CYP2C18: variants seen among roughly 807,000 people sequenced by gnomAD.
The protein encoded by CYP2C18 is cytochrome P450 family 2 subfamily C member 18.
CYP2C18 carries 38 observed loss-of-function variants against 41.3 expected under a neutral mutation model. The observed-to-expected ratio is 0.92, with a 90% CI of 0.71 to 1.21. CYP2C18 has a LOEUF of 1.21. Ranked by LOEUF, CYP2C18 falls within the 50% of genes most tolerant of loss-of-function variation. The pLI, the probability that CYP2C18 is intolerant of heterozygous loss-of-function variation, is 0.00. For synonymous variants in CYP2C18, 236 were observed against 210.0 expected (o/e 1.12, Z -1.07); for missense variants, 635 against 591.4 (o/e 1.07, Z -0.77).
At chr10:94,720,080 T>G (rs546116358) in intron 5 of CYP2C18, among the ~76,000 whole-genome samples, 2 of 152,218 alleles carry the variant, frequency 1.3e-5, no homozygotes, top group African/African-American at 4.8e-5. Flanking sequence ...TATATGTGTT[T>G]TGAGTAAAAA....
intron 3 of CYP2C18, among the ~76,000 whole-genome samples, chr10:94,690,272 A>T (rs931185959): frequency 2.6e-5 from 4 of 152,156 alleles, no homozygotes; most frequent in Non-Finnish European, 5.9e-5. Context: ...TCTTGTCATA[A>T]TGAGTCTGGT....
At chr10:94,715,131 A>G (rs1589802170) in intron 5 of CYP2C18, among the ~76,000 whole-genome samples, 2 of 152,198 alleles carry the variant, frequency 1.3e-5, no homozygotes, top group Non-Finnish European at 1.5e-5. Flanking sequence ...ACAAACAGGA[A>G]CAATTTGACT....
At chr10:94,725,491 T>C (rs1050244913) in intron 7 of CYP2C18, among the ~76,000 whole-genome samples, 1 of 152,126 alleles carries the variant, frequency 6.6e-6, no homozygotes, top group African/African-American at 2.4e-5. Context: ...GGTTAGGATT[T>C]CCAGGACAGC....
chr10:94,720,469 GAACA>G lies in CYP2C18; in HGVS notation c.894_897del (p.Thr299ArgfsTer7). 6.2e-7 allele frequency: 1 copy of G among 1,613,388 alleles called. No individual in the cohort carries two copies. The highest frequency in any genetic ancestry group is 8.5e-7 in the Non-Finnish European group (1 of 1,179,558). On this transcript the variant is annotated frameshift_variant, in exon 6 of 9. Transcript: ENST00000285979. LOFTEE classifies it high-confidence loss of function. Reference sequence around the variant, plus strand: ...ACTGTAACTGATATGTTTGGGGCTGGAACAGAGACAACGAGCACCACTCTGAGAT... The same window carrying G: ...ACTGTAACTGATATGTTTGGGGCTGGGAGACAACGAGCACCACTCTGAGAT...
At chr10:94,727,806 C>T (rs1360386532) in intron 7 of CYP2C18, among the ~76,000 whole-genome samples, 1 of 152,006 alleles carries the variant, frequency 6.6e-6, no homozygotes, top group Non-Finnish European at 1.5e-5. Context: ...AATGTGCATA[C>T]ATCTACATTT....
intron 2 of CYP2C18, 54 bp from the exon 3 acceptor site, chr10:94,688,071 T>C: frequency 6.2e-7 from 1 of 1,611,020 alleles, no homozygotes; most frequent in Non-Finnish European, 8.5e-7. Context: ...GAGTGTCAGC[T>C]CTCTTGTCCT....
In CYP2C18 at chr10:94,723,740, C is replaced by T. The variant is rs562382409; in HGVS notation, c.962-606C>T. The stretch of plus-strand genomic sequence containing the variant: ...ATGGGGTGATGATGGAGATATAAGT[C>T]CTCATCTTTCTTACCATGAGGTTTT... On this transcript the variant is annotated intron_variant, in intron 6 of 8. Transcript: ENST00000285979. 8.6e-5 allele frequency among the ~76,000 whole-genome samples: 13 copies of T among 151,698 alleles called. No individual in the cohort carries two copies. The South Asian group carries it at 2.1e-3, about 24-fold the overall frequency.
At chr10:94,731,964 T>A (rs1178325540) in intron 7 of CYP2C18, among the ~76,000 whole-genome samples, 1 of 152,018 alleles carries the variant, frequency 6.6e-6, no homozygotes, top group Non-Finnish European at 1.5e-5. Context: ...ATTGATATGT[T>A]ACTTAAAATT....
At chr10:94,695,297 C>T (rs113297790) in intron 4 of CYP2C18, among the ~76,000 whole-genome samples, 1 of 152,222 alleles carries the variant, frequency 6.6e-6, no homozygotes, top group South Asian at 2.1e-4. Context: ...CCCTTTACCC[C>T]CAATCACCCA....
At position 94,688,159 on chromosome 10, in the gene CYP2C18, G is replaced by A. The variant is rs190647817; in HGVS notation, c.366G>A (p.Glu122=). The change falls in exon 3 of 9, where the codon GAG becomes GAA. Residue 122 remains glutamate, a synonymous_variant. Transcript: ENST00000285979. ...ILFSNGKRWK[E]IRRFCLMTLR... ...TCAGCAATGGAAAGAGATGGAAGGA[G>A]ATCCGGCGTTTCTGCCTCATGACTC... The A allele has an allele frequency of 6.2e-7, 1 of 1,613,718 alleles. No individual in the cohort carries two copies. Among genetic ancestry groups the A allele is most frequent in the African/African-American group, 1.3e-5 (1 of 75,006 alleles).
At chr10:94,720,243 T>A (rs1847624817) in intron 5 of CYP2C18, among the ~76,000 whole-genome samples, 153 bp from the exon 6 acceptor site, 1 of 152,214 alleles carries the variant, frequency 6.6e-6, no homozygotes, top group African/African-American at 2.4e-5. Context: ...TTACATTCTC[T>A]GCCACACCGT....
intron 5 of CYP2C18, among the ~76,000 whole-genome samples, chr10:94,709,519 G>T (rs1024540750): frequency 6.6e-6 from 1 of 152,030 alleles, no homozygotes; most frequent in Non-Finnish European, 1.5e-5. Flanking sequence ...CATATCAGAT[G>T]TTATTAAAGA....
chr10:94,715,374 G>A (rs184447853), intron 5 of CYP2C18, among the ~76,000 whole-genome samples: 6 of 152,188 alleles, frequency 3.9e-5, no homozygotes. Flanking sequence ...AATTTATTGA[G>A]AGTTTTTAGC....
chr10:94,715,007 G>A (rs564352444), intron 5 of CYP2C18, among the ~76,000 whole-genome samples: 1 of 152,162 alleles, frequency 6.6e-6, no homozygotes, highest in Non-Finnish European at 1.5e-5. Flanking sequence ...AAGAATACTT[G>A]TGATTTTTGC....
chr10:94,709,656 C>T (rs561504663), intron 5 of CYP2C18, among the ~76,000 whole-genome samples: 12 of 152,078 alleles, frequency 7.9e-5, no homozygotes, highest in South Asian at 4.1e-4. Flanking sequence ...TTTTTTGTCA[C>T]GTTTAAGAAA....
At position 94,683,963 on chromosome 10, in the gene CYP2C18, G is replaced by A. The variant is rs747934018; in HGVS notation, c.144G>A (p.Lys48=). 1 of 1,608,160 alleles carries A rather than the reference G, an allele frequency of 6.2e-7. No individual in the cohort carries two copies. Among genetic ancestry groups the A allele is most frequent in the Non-Finnish European group, 8.5e-7 (1 of 1,177,302 alleles). ...GAAATATCCTGCAGTTAGATGTTAA[G>A]GACATGAGCAAATCCTTAACCAATG... ...IIGNILQLDV[K]DMSKSLTNFS... is the part of the protein sequence containing the mutation. The change falls in exon 1 of 9, where the codon AAG becomes AAA. Residue 48 remains lysine, a synonymous_variant. Transcript: ENST00000285979.
chr10:94,695,281 A>G (rs1229710021), intron 4 of CYP2C18, among the ~76,000 whole-genome samples: 1 of 151,976 alleles, frequency 6.6e-6, no homozygotes, highest in African/African-American at 2.4e-5. Context: ...TCCTAATGCT[A>G]TCCCTCCCTT....
chr10:94,724,910 G>C (rs935160249), intron 7 of CYP2C18, among the ~76,000 whole-genome samples: 4 of 151,808 alleles, frequency 2.6e-5, no homozygotes, highest in African/African-American at 9.7e-5. Context: ...TGTCCTGACA[G>C]GTTGAATCTT....
intron 8 of CYP2C18, 152 bp from the exon 9 acceptor site, chr10:94,735,111 T>TC: frequency 1.4e-6 from 1 of 706,484 alleles, no homozygotes; most frequent in Admixed American, 2.9e-5. Flanking sequence ...GTATTCATTT[T>TC]TGTTTTTCTG....
Sources: gnomAD v4.1 joint callset for allele counts (sites outside exome capture counted in the v4.1 genomes callset) on GRCh38, gnomAD v4.1.1 for gene constraint, MANE v1.5 for transcripts, NCBI Gene and HGNC (gene_info 2026-07-23, HGNC 2026-07-21) for gene names.